XRRA1: variants seen among roughly 807,000 people sequenced by gnomAD.
XRRA1 encodes the protein X-ray radiation resistance-associated protein 1.
Under a neutral mutation model 80.2 loss-of-function variants are expected in XRRA1, and 69 were observed. The ratio of observed to expected loss-of-function variants is 0.86; its 90% CI spans 0.71 to 1.05. The LOEUF (loss-of-function observed/expected upper bound fraction) is 1.05, where lower values mean the gene tolerates loss of function less well. Ranked by LOEUF, XRRA1 falls within the 50% of genes least tolerant of loss-of-function variation. The pLI is 0.00. For missense variants in XRRA1, 967 were observed against 976.4 expected (o/e 0.99, Z 0.13); for synonymous variants, 348 against 389.9 (o/e 0.89, Z 1.27).
intron 10 of XRRA1, among the ~76,000 whole-genome samples, chr11:74,882,086 A>G (rs1031574794): frequency 6.6e-6 from 1 of 150,564 alleles, no homozygotes; most frequent in Non-Finnish European, 1.5e-5. Context: ...TCTCCTGGAT[A>G]ATATCCTGCA....
intron 10 of XRRA1, chr11:74,876,255 G>A (rs1299190729): frequency 1.3e-5 from 2 of 152,130 alleles, no homozygotes; most frequent in African/African-American, 4.8e-5. Context: ...GAAGACAAAC[G>A]ATATTATCAA....
chr11:74,861,972 CAG>C (rs1015386564), intron 11 of XRRA1, among the ~76,000 whole-genome samples: 7 of 152,198 alleles, frequency 4.6e-5, no homozygotes, highest in African/African-American at 9.6e-5. Context: ...TGCGCAAACT[CAG>C]GGGTCAGCGT....
chr11:74,892,543 A>G lies in XRRA1; in HGVS notation c.1003+13696T>C, dbSNP rs537255122. Among the ~76,000 whole-genome samples, 9 of 152,322 alleles carry G rather than the reference A, an allele frequency of 5.9e-5. No individual in the cohort carries two copies. In the East Asian group the frequency reaches 1.2e-3, roughly 20 times the overall value. On this transcript the variant is annotated intron_variant, in intron 10 of 18. Coordinates refer to ENST00000684022, the MANE Select transcript of XRRA1 (RefSeq NM_001378157.1). The stretch of plus-strand genomic sequence containing the variant: ...CCAAAAGCAATGGCAACAAAAGCCA[A>G]AATTGACAAATGGGATCTAATTAAA...
At chr11:74,864,996 CT>C (rs1229672679) in intron 10 of XRRA1, among the ~76,000 whole-genome samples, 3 of 151,892 alleles carry the variant, frequency 2.0e-5, no homozygotes, top group Non-Finnish European at 2.9e-5. Context: ...GCTTTCTAGC[CT>C]TTACCCTACA....
chr11:74,905,004 A>G (rs2054285443), intron 10 of XRRA1, among the ~76,000 whole-genome samples: 2 of 152,130 alleles, frequency 1.3e-5, no homozygotes, highest in South Asian at 4.1e-4. Flanking sequence ...GCAGACAGAA[A>G]ATTATTTTAG....
intron 2 of XRRA1, among the ~76,000 whole-genome samples, chr11:74,944,545 T>C (rs1298291446): frequency 6.6e-6 from 1 of 152,188 alleles, no homozygotes; most frequent in East Asian, 1.9e-4. Context: ...GCACTATGAG[T>C]TTCCTGATCC....
chr11:74,929,210 T>C (rs1325158256), intron 6 of XRRA1, among the ~76,000 whole-genome samples: 1 of 152,178 alleles, frequency 6.6e-6, no homozygotes, highest in Admixed American at 6.5e-5. Flanking sequence ...GAAATGCCCC[T>C]TGATTCCTCC....
At position 74,933,739 on chromosome 11, in the gene XRRA1, C is replaced by T. The variant is rs1591556829; in HGVS notation, c.351+62G>A. 12 of 1,489,936 alleles carry T rather than the reference C, an allele frequency of 8.1e-6. No homozygotes were observed. The East Asian group carries it at 2.9e-4, about 37-fold the overall frequency. 92.3% of individuals were successfully genotyped at this position (1,489,936 alleles called of 1,614,324 possible). A position where few individuals can be genotyped will look rare whatever the true frequency, so the allele number is the denominator to read the frequency against. On this transcript the variant is annotated intron_variant, in intron 5 of 18. Transcript: ENST00000684022. ...TGGAGGTGCAAGAGACAAACCACAA[C>T]AGCCAGGTGCGCCACCTCAAGTCTG... is the stretch of plus-strand genomic sequence containing the variant.
At chr11:74,937,144 A>G in intron 3 of XRRA1, 76 bp from the exon 4 acceptor site, 1 of 1,468,998 alleles carries the variant, frequency 6.8e-7, no homozygotes, top group Admixed American at 2.5e-5. Flanking sequence ...CTTTGTTTAT[A>G]ATACTAAAAC....
intron 12 of XRRA1, among the ~76,000 whole-genome samples, chr11:74,856,146 C>CA (rs1449587275): frequency 6.6e-6 from 1 of 151,946 alleles, no homozygotes; most frequent in East Asian, 1.9e-4. Flanking sequence ...ACAACAACAA[C>CA]AAAAATCATT....
At chr11:74,890,447 C>T (rs1455639541) in intron 10 of XRRA1, among the ~76,000 whole-genome samples, 3 of 152,144 alleles carry the variant, frequency 2.0e-5, no homozygotes, top group African/African-American at 7.2e-5. Context: ...CAAGAGAAAG[C>T]AGGAAATATC....
At chr11:74,946,014 G>A (rs1338822529) in intron 1 of XRRA1, among the ~76,000 whole-genome samples, 3 of 151,934 alleles carry the variant, frequency 2.0e-5, no homozygotes, top group Non-Finnish European at 4.4e-5. Context: ...CCAGGCTGGA[G>A]TGCAGTGGCA....
chr11:74,855,788 TAATA>T (rs1265140614), intron 12 of XRRA1, among the ~76,000 whole-genome samples: 4 of 152,246 alleles, frequency 2.6e-5, no homozygotes, highest in African/African-American at 9.6e-5. Context: ...TTTGTAACTT[TAATA>T]AATTGAATAT....
intron 12 of XRRA1, among the ~76,000 whole-genome samples, chr11:74,853,985 A>C (rs1406609322): frequency 6.6e-6 from 1 of 151,340 alleles, no homozygotes; most frequent in Non-Finnish European, 1.5e-5. Context: ...TGATGTAGAT[A>C]CTGGGGGGGC....
chr11:74,921,094 C>T, intron 8 of XRRA1, 120 bp downstream of exon 8: 1 of 1,329,794 alleles, frequency 7.5e-7, no homozygotes, highest in Non-Finnish European at 1.0e-6. Context: ...TCAGTAGGTG[C>T]CATTATCCCT....
At chr11:74,899,606 A>G (rs549597999) in intron 10 of XRRA1, among the ~76,000 whole-genome samples, 29 of 152,222 alleles carry the variant, frequency 1.9e-4, no homozygotes, top group Non-Finnish European at 4.1e-4. Flanking sequence ...TCAGAGGATC[A>G]TAAGTGGCTA....
chr11:74,935,055 A>G (rs893759132), intron 4 of XRRA1, among the ~76,000 whole-genome samples: 1 of 152,214 alleles, frequency 6.6e-6, no homozygotes, highest in Non-Finnish European at 1.5e-5. Context: ...TGTGTAAACC[A>G]ATCATGGAGG....
At position 74,843,236 on chromosome 11, in the gene XRRA1, G is replaced by T; in HGVS notation, c.2367C>A (p.Phe789Leu). Residue 789 changes from phenylalanine (F) to leucine (L), a missense_variant, in exon 19 of 19, where the codon TTC becomes TTA. Transcript: ENST00000684022. ...FGHFLEFMDEFCQEPTASDSQ... is the reference protein window; with the variant it reads ...FGHFLEFMDELCQEPTASDSQ... ...AGTCACTGGCTGTGGGCTCCTGGCA[G>T]AACTCATCCATGAACTCGAGGAAGT... is the stretch of plus-strand genomic sequence containing the variant. 1 of 1,562,142 alleles carries T rather than the reference G, an allele frequency of 6.4e-7. No homozygotes were observed.
chr11:74,881,917 C>G (rs1368295695), intron 10 of XRRA1, among the ~76,000 whole-genome samples: 1 of 150,034 alleles, frequency 6.7e-6, no homozygotes, highest in Non-Finnish European at 1.5e-5. Context: ...GTAACCTGAC[C>G]TTTCTCTCTG....
Sources: gnomAD v4.1 joint callset for allele counts (sites outside exome capture counted in the v4.1 genomes callset) on GRCh38, gnomAD v4.1.1 for gene constraint, MANE v1.5 for transcripts, NCBI Gene and HGNC (gene_info 2026-07-23, HGNC 2026-07-21) for gene names.